Variants in STXBP6 observed in about 807,000 individuals in gnomAD.
The protein encoded by STXBP6 is syntaxin-binding protein 6.
In STXBP6, 21 loss-of-function variants were observed where a neutral mutation model predicts 26.9. The observed-to-expected ratio is 0.78, with a 90% confidence interval of 0.55 to 1.12. STXBP6 has a LOEUF of 1.12. Among genes scored for constraint, STXBP6 ranks in the 50% most tolerant of loss-of-function variants. The pLI, the probability that STXBP6 is intolerant of heterozygous loss-of-function variation, is 0.00. For synonymous variants in STXBP6, 97 were observed against 92.6 expected, an observed-to-expected ratio of 1.05 and a Z score of -0.27; for missense variants, 232 against 257.9, an observed-to-expected ratio of 0.90 and a Z score of 0.69.
At chr14:24,914,842 T>G (rs2071702882) in intron 2 of STXBP6, among the ~76,000 whole-genome samples, 1 of 152,242 alleles carries the variant, frequency 6.6e-6, no homozygotes, top group Admixed American at 6.5e-5. Context: ...CACTCATACA[T>G]TTCCAAAGGA....
chr14:25,003,190 A>T (rs2074807179), intron 1 of STXBP6, among the ~76,000 whole-genome samples: 1 of 152,144 alleles, frequency 6.6e-6, no homozygotes, highest in African/African-American at 2.4e-5. Context: ...TCTGAGCTGG[A>T]GGGGAGGAGA....
intron 4 of STXBP6, among the ~76,000 whole-genome samples, chr14:24,854,407 G>A (rs1380637294): frequency 6.6e-6 from 1 of 152,074 alleles, no homozygotes; most frequent in African/African-American, 2.4e-5. Flanking sequence ...CTTTCTCCAA[G>A]AGCAACAGAA....
At chr14:24,867,736 A>T (rs1234116322) in intron 2 of STXBP6, among the ~76,000 whole-genome samples, 1 of 152,194 alleles carries the variant, frequency 6.6e-6, no homozygotes, top group Non-Finnish European at 1.5e-5. Context: ...AACGAAGAAA[A>T]TCATTATGAC....
intron 1 of STXBP6, among the ~76,000 whole-genome samples, chr14:24,998,683 C>T (rs1019290114): frequency 2.0e-5 from 3 of 152,170 alleles, no homozygotes; most frequent in Non-Finnish European, 4.4e-5. Context: ...GAACACCTAC[C>T]GCAGGCTTGG....
At chr14:24,887,095 C>T (rs2070618091) in intron 2 of STXBP6, among the ~76,000 whole-genome samples, 1 of 152,196 alleles carries the variant, frequency 6.6e-6, no homozygotes, top group Non-Finnish European at 1.5e-5. Context: ...TATTATTTTA[C>T]TTCCAGAAAT....
chr14:25,015,580 A>G (rs958772199), intron 1 of STXBP6, among the ~76,000 whole-genome samples: 3 of 152,224 alleles, frequency 2.0e-5, no homozygotes, highest in African/African-American at 7.2e-5. Context: ...ACTAGGCAAC[A>G]GTCAGAATCC....
At chr14:24,832,602 T>C (rs1887935) in intron 4 of STXBP6, among the ~76,000 whole-genome samples, 31,948 of 152,170 alleles carry the variant, frequency 0.21, 5,312 homozygotes, top group African/African-American at 0.46. Flanking sequence ...TCCTGTGACA[T>C]ATTTTACTTC....
At chr14:24,912,637 G>A (rs970634362) in intron 2 of STXBP6, among the ~76,000 whole-genome samples, 1 of 152,146 alleles carries the variant, frequency 6.6e-6, no homozygotes, top group Non-Finnish European at 1.5e-5. Flanking sequence ...GTGACCAGGA[G>A]TGGCAAGAGG....
At position 24,965,345 on chromosome 14, in the gene STXBP6, G is replaced by A. The variant is rs117156808; in HGVS notation, c.154+9320C>T. On this transcript the variant is annotated intron_variant, in intron 2 of 5. Transcript: ENST00000323944. Reference sequence around the variant, plus strand: ...TATTAACATGTTTTTTCTTTTTGCTGTTGTCTTATAAATGTCTTGAGTCTG... The same window carrying A: ...TATTAACATGTTTTTTCTTTTTGCTATTGTCTTATAAATGTCTTGAGTCTG... Among the ~76,000 whole-genome samples, 1,335 of 152,026 alleles carry A rather than the reference G, an allele frequency of 8.8e-3. 12 individuals are homozygous for A. The highest frequency in any genetic ancestry group is 0.013 in the Non-Finnish European group (881 of 67,980).
At chr14:24,854,077 T>C (rs1356756554) in intron 4 of STXBP6, among the ~76,000 whole-genome samples, 1 of 152,046 alleles carries the variant, frequency 6.6e-6, no homozygotes, top group Admixed American at 6.6e-5. Flanking sequence ...TATTGTATGA[T>C]TGGATAATGA....
At chr14:24,914,559 C>T (rs1417472807) in intron 2 of STXBP6, among the ~76,000 whole-genome samples, 1 of 152,138 alleles carries the variant, frequency 6.6e-6, no homozygotes, top group Non-Finnish European at 1.5e-5. Context: ...ATCCATTTCC[C>T]CTTTTTCCTC....
intron 2 of STXBP6, among the ~76,000 whole-genome samples, chr14:24,964,348 GTCTATTC>G (rs1403743575): frequency 6.6e-6 from 1 of 152,158 alleles, no homozygotes; most frequent in Non-Finnish European, 1.5e-5. Flanking sequence ...CTACCTAGTA[GTCTATTC>G]TCTATGGTAT....
At chr14:24,923,470 A>G (rs140190058) in intron 2 of STXBP6, among the ~76,000 whole-genome samples, 3 of 152,248 alleles carry the variant, frequency 2.0e-5, no homozygotes, top group African/African-American at 7.2e-5. Flanking sequence ...CAGTTTCTTT[A>G]TGGTATAAGT....
At chr14:24,963,426 C>T (rs2073618065) in intron 2 of STXBP6, among the ~76,000 whole-genome samples, 4 of 152,106 alleles carry the variant, frequency 2.6e-5, no homozygotes, top group South Asian at 2.1e-4. Flanking sequence ...CTGATAAAAA[C>T]GTCAAAATGC....
intron 4 of STXBP6, among the ~76,000 whole-genome samples, chr14:24,833,663 T>A (rs1246240134): frequency 6.6e-6 from 1 of 152,264 alleles, no homozygotes; most frequent in African/African-American, 2.4e-5. Flanking sequence ...AAGGATCAAC[T>A]TCTGGACATG....
chr14:24,816,761 A>G (rs1387925727), intron 5 of STXBP6: 1 of 152,004 alleles, frequency 6.6e-6, no homozygotes, highest in Admixed American at 6.5e-5. Flanking sequence ...ATTTAGCATG[A>G]GGGCCCTCCC....
intron 2 of STXBP6, among the ~76,000 whole-genome samples, chr14:24,937,536 T>C (rs2072646133): frequency 6.6e-6 from 1 of 152,248 alleles, no homozygotes; most frequent in Non-Finnish European, 1.5e-5. Flanking sequence ...ATCACAATTA[T>C]GTGATGACTG....
At chr14:25,002,359 C>CTTTTTTTTTTTTTTCTTT (rs2074781077) in intron 1 of STXBP6, among the ~76,000 whole-genome samples, 5 of 121,364 alleles carry the variant, frequency 4.1e-5, no homozygotes, top group African/African-American at 1.7e-4. Flanking sequence ...ATTCTTATGA[C>CTTTTTTTTTTTTTTCTTT]TTTTTTTTTT....
At chr14:24,930,415 C>G (rs546260991) in intron 2 of STXBP6, among the ~76,000 whole-genome samples, 1 of 152,340 alleles carries the variant, frequency 6.6e-6, no homozygotes, top group South Asian at 2.1e-4. Context: ...TTATGAACAA[C>G]ATTTTTACCT....
Sources: allele counts gnomAD v4.1 joint callset (sites outside exome capture counted in the v4.1 genomes callset), GRCh38; gene constraint gnomAD v4.1.1; transcripts MANE v1.5; gene names NCBI Gene and HGNC (gene_info 2026-07-23, HGNC 2026-07-21).